The following RNF180 variants were observed in gnomAD, a reference collection of about 807,000 sequenced individuals.
The protein encoded by RNF180 is E3 ubiquitin-protein ligase RNF180.
RNF180 carries 38 observed loss-of-function variants against 59.2 expected under a neutral mutation model. The ratio of observed to expected loss-of-function variants is 0.64; its 90% CI spans 0.50 to 0.84. RNF180 has a LOEUF of 0.84. Ranked by LOEUF, RNF180 falls within the 40% of genes least tolerant of loss-of-function variation. The pLI, the probability that RNF180 is intolerant of heterozygous loss-of-function variation, is 0.00. For missense variants in RNF180, 705 were observed against 700.9 expected (o/e 1.01, Z -0.07); for synonymous variants, 262 against 240.3 (o/e 1.09, Z -0.84).
At chr5:64,353,143 A>G (rs1182608598) in intron 7 of RNF180, among the ~76,000 whole-genome samples, 5 of 151,832 alleles carry the variant, frequency 3.3e-5, no homozygotes, top group Non-Finnish European at 7.4e-5. Context: ...TAAGTTTTTA[A>G]TACATAGATA....
chr5:64,250,880 A>G lies in RNF180; in HGVS notation c.1227+33484A>G, dbSNP rs562287635. 5.9e-5 allele frequency among the ~76,000 whole-genome samples: 9 copies of G among 152,312 alleles called. 1 individual carries two copies. The highest frequency in any genetic ancestry group is 2.2e-4 in the African/African-American group (9 of 41,572). ...TAATGCCACAATCACCCTGACATCAAAGCCAGACAGACACACTACAATAAA... is the reference window on the plus strand; with the variant it reads ...TAATGCCACAATCACCCTGACATCAGAGCCAGACAGACACACTACAATAAA... On this transcript the variant is annotated intron_variant, in intron 5 of 7. Coordinates refer to ENST00000389100, the MANE Select transcript of RNF180 (RefSeq NM_001113561.2).
chr5:64,324,022 T>C (rs1204686006), intron 5 of RNF180, among the ~76,000 whole-genome samples: 1 of 152,198 alleles, frequency 6.6e-6, no homozygotes, highest in Non-Finnish European at 1.5e-5. Flanking sequence ...ACCAATCTAC[T>C]ATCAGTGACT....
At chr5:64,286,451 A>G (rs1256744702) in intron 5 of RNF180, among the ~76,000 whole-genome samples, 1 of 152,206 alleles carries the variant, frequency 6.6e-6, no homozygotes, top group Non-Finnish European at 1.5e-5. Context: ...TACCCTAACA[A>G]TACAGAAAAG....
At chr5:64,232,154 A>G (rs1742138134) in intron 5 of RNF180, among the ~76,000 whole-genome samples, 1 of 152,216 alleles carries the variant, frequency 6.6e-6, no homozygotes, top group South Asian at 2.1e-4. Flanking sequence ...GTCGCAGAGC[A>G]TAAGGGTTTA....
At chr5:64,329,560 C>A (rs1178038645) in intron 6 of RNF180, among the ~76,000 whole-genome samples, 1 of 150,956 alleles carries the variant, frequency 6.6e-6, no homozygotes, top group Non-Finnish European at 1.5e-5. Flanking sequence ...CAGGTTCAAG[C>A]AGTTCTCCTG....
intron 5 of RNF180, among the ~76,000 whole-genome samples, chr5:64,242,775 C>T (rs1742878835): frequency 6.6e-6 from 1 of 152,184 alleles, no homozygotes; most frequent in Admixed American, 6.5e-5. Context: ...ATATAATAAT[C>T]ACATTATTGG....
chr5:64,332,844 T>C (rs1281905553), intron 7 of RNF180, among the ~76,000 whole-genome samples: 1 of 152,176 alleles, frequency 6.6e-6, no homozygotes, highest in African/African-American at 2.4e-5. Flanking sequence ...CAGGAGGAAC[T>C]TCTGCATAAG....
intron 5 of RNF180, among the ~76,000 whole-genome samples, chr5:64,299,966 C>T (rs558074505): frequency 2.0e-5 from 3 of 151,784 alleles, no homozygotes; most frequent in South Asian, 4.2e-4. Context: ...TCCAGTGTAT[C>T]GGTGGTATGT....
chr5:64,318,997 T>C (rs2112502706), intron 5 of RNF180, among the ~76,000 whole-genome samples: 1 of 152,264 alleles, frequency 6.6e-6, no homozygotes, highest in African/African-American at 2.4e-5. Flanking sequence ...AACTGTGGAC[T>C]TCAGTTGTCA....
At chr5:64,187,506 A>G (rs1750931000) in intron 1 of RNF180, among the ~76,000 whole-genome samples, 1 of 152,188 alleles carries the variant, frequency 6.6e-6, no homozygotes, top group South Asian at 2.1e-4. Flanking sequence ...TGTAACACCA[A>G]CAATTATTTA....
At chr5:64,322,614 T>A (rs946656265) in intron 5 of RNF180, among the ~76,000 whole-genome samples, 1 of 138,084 alleles carries the variant, frequency 7.2e-6, no homozygotes, top group Non-Finnish European at 1.5e-5. Context: ...TGTGTGTGTG[T>A]GTGTGTGTGT....
intron 7 of RNF180, among the ~76,000 whole-genome samples, chr5:64,362,649 T>G (rs916521483): frequency 6.6e-6 from 1 of 151,694 alleles, no homozygotes; most frequent in Non-Finnish European, 1.5e-5. Flanking sequence ...TTTTTAGGAC[T>G]TTGAGGAATC....
intron 7 of RNF180, among the ~76,000 whole-genome samples, chr5:64,356,148 T>A (rs757406766): frequency 6.6e-6 from 1 of 151,580 alleles, no homozygotes; most frequent in African/African-American, 2.4e-5. Flanking sequence ...TAGTCCTAAC[T>A]ACTTGGGAGG....
At chr5:64,338,578 T>A (rs1203581728) in intron 7 of RNF180, among the ~76,000 whole-genome samples, 2 of 148,798 alleles carry the variant, frequency 1.3e-5, no homozygotes, top group Admixed American at 6.8e-5. Context: ...GAGCTTGCAG[T>A]GAGTGGAGAT....
At chr5:64,352,107 A>G (rs1408473552) in intron 7 of RNF180, among the ~76,000 whole-genome samples, 2 of 151,934 alleles carry the variant, frequency 1.3e-5, no homozygotes, top group Non-Finnish European at 2.9e-5. Context: ...TCAGGGATTC[A>G]AGTTCTTCCT....
chr5:64,227,498 G>A (rs1741841308), intron 5 of RNF180, among the ~76,000 whole-genome samples: 1 of 152,164 alleles, frequency 6.6e-6, no homozygotes, highest in African/African-American at 2.4e-5. Flanking sequence ...GCTGGTTGTT[G>A]GCCTTTGGTC....
chr5:64,263,228 A>G (rs912788797), intron 5 of RNF180, among the ~76,000 whole-genome samples: 1 of 152,144 alleles, frequency 6.6e-6, no homozygotes, highest in Non-Finnish European at 1.5e-5. Context: ...TGCATTTGTG[A>G]ATTTTCTCTA....
intron 5 of RNF180, among the ~76,000 whole-genome samples, chr5:64,267,782 A>G (rs1260626784): frequency 6.6e-6 from 1 of 152,132 alleles, no homozygotes; most frequent in Non-Finnish European, 1.5e-5. Context: ...AGAAGTATCT[A>G]GTTATGGCTG....
intron 5 of RNF180, among the ~76,000 whole-genome samples, chr5:64,223,178 A>T (rs1050313188): frequency 3.3e-5 from 5 of 152,098 alleles, no homozygotes; most frequent in Non-Finnish European, 7.4e-5. Flanking sequence ...TCTAGAGTCT[A>T]CCCTCATTTC....
Sources: allele counts gnomAD v4.1 joint callset (sites outside exome capture counted in the v4.1 genomes callset), GRCh38; gene constraint gnomAD v4.1.1; transcripts MANE v1.5; gene names NCBI Gene and HGNC (gene_info 2026-07-23, HGNC 2026-07-21).